CLASP2: variants seen among roughly 807,000 people sequenced by gnomAD.
CLASP2 encodes the protein cytoplasmic linker associated protein 2.
Under a neutral mutation model 194.4 loss-of-function variants are expected in CLASP2, and 47 were observed. The ratio of observed to expected loss-of-function variants is 0.24; its 90% CI spans 0.19 to 0.31. CLASP2 has a LOEUF of 0.31. CLASP2 is among the 10% of genes least tolerant of loss of function. The pLI, the probability that CLASP2 is intolerant of heterozygous loss-of-function variation, is 1.00. For missense variants in CLASP2, 1,445 were observed against 1,823.6 expected, an observed-to-expected ratio of 0.79 and a Z score of 3.78; for synonymous variants, 619 against 633.5, an observed-to-expected ratio of 0.98 and a Z score of 0.34.
intron 32 of CLASP2, among the ~76,000 whole-genome samples, chr3:33,542,972 T>C (rs747890816): frequency 5.9e-5 from 9 of 152,214 alleles, no homozygotes; most frequent in Non-Finnish European, 1.2e-4. Flanking sequence ...ATTTAAGTAG[T>C]TGGCTTTCAA....
At chr3:33,561,041 G>A (rs139948136) in intron 27 of CLASP2, 70 bp from the exon 28 acceptor site, 2 of 1,340,346 alleles carry the variant, frequency 1.5e-6, no homozygotes, top group Non-Finnish European at 2.1e-6. Context: ...TCAATTCAAA[G>A]CGAATACAGA....
intron 7 of CLASP2, among the ~76,000 whole-genome samples, chr3:33,653,313 A>G (rs1399782729): frequency 1.3e-5 from 2 of 152,208 alleles, no homozygotes; most frequent in Non-Finnish European, 2.9e-5. Context: ...GAGGAAATAC[A>G]GGAGATAAAC....
chr3:33,602,371 T>C (rs576339638), intron 18 of CLASP2: 31 of 610,470 alleles, frequency 5.1e-5, no homozygotes, highest in Non-Finnish European at 7.8e-5. Flanking sequence ...CTGTATTGTG[T>C]TCTGGCGATC....
At chr3:33,598,611 T>C (rs1245436939) in intron 18 of CLASP2, among the ~76,000 whole-genome samples, 1 of 152,206 alleles carries the variant, frequency 6.6e-6, no homozygotes, top group Non-Finnish European at 1.5e-5. Context: ...ACTTCTCCAA[T>C]CTTATAAGAT....
intron 10 of CLASP2, among the ~76,000 whole-genome samples, chr3:33,623,675 C>T (rs2077492006): frequency 1.3e-5 from 2 of 152,136 alleles, no homozygotes; most frequent in South Asian, 4.1e-4. Context: ...CATTTATTCA[C>T]TGATGGACAT....
At chr3:33,707,449 G>T (rs1430543439) in intron 1 of CLASP2, among the ~76,000 whole-genome samples, 1 of 152,286 alleles carries the variant, frequency 6.6e-6, no homozygotes, top group African/African-American at 2.4e-5. Context: ...AATGGGGAAA[G>T]TTTCTCCTTA....
At chr3:33,603,201 C>T in intron 17 of CLASP2, 76 bp from the exon 18 acceptor site, 1 of 1,407,468 alleles carries the variant, frequency 7.1e-7, no homozygotes, top group Non-Finnish European at 9.5e-7. Context: ...ACCTGACCAC[C>T]ATGAGCTAAT....
At chr3:33,686,179 T>C (rs1250792087) in intron 5 of CLASP2, among the ~76,000 whole-genome samples, 1 of 152,154 alleles carries the variant, frequency 6.6e-6, no homozygotes, top group Non-Finnish European at 1.5e-5. Context: ...AAATCTTTCC[T>C]GAGGTCACTC....
At chr3:33,592,314 T>C in intron 21 of CLASP2, 81 bp downstream of exon 21, 1 of 973,212 alleles carries the variant, frequency 1.0e-6, no homozygotes, top group Non-Finnish European at 1.6e-6. Flanking sequence ...CACTGGTCAA[T>C]CGTCTAATAC....
chr3:33,715,847 T>TAAAAAAAAAA (rs59528446), intron 1 of CLASP2, among the ~76,000 whole-genome samples: 1 of 62,134 alleles, frequency 1.6e-5, no homozygotes. Flanking sequence ...GTATCTTAAG[T>TAAAAAAAAAA]AAAAAAAAAA....
At chr3:33,694,578 C>T in intron 2 of CLASP2, among the ~76,000 whole-genome samples, 1 of 152,076 alleles carries the variant, frequency 6.6e-6, no homozygotes, top group Non-Finnish European at 1.5e-5. Flanking sequence ...CATATCATAC[C>T]TAACTTTCTC....
intron 7 of CLASP2, 55 bp from the exon 8 acceptor site, chr3:33,644,958 C>T (rs2082031027): frequency 6.6e-7 from 1 of 1,519,568 alleles, no homozygotes. Flanking sequence ...GTTCCATTTT[C>T]CCTAAAGCTC....
intron 30 of CLASP2, among the ~76,000 whole-genome samples, chr3:33,548,389 C>G (rs1239592222): frequency 6.6e-6 from 1 of 152,042 alleles, no homozygotes; most frequent in East Asian, 1.9e-4. Context: ...CCTCTGCCTC[C>G]CAGGTTCAAG....
chr3:33,499,268 T>A (rs532541573), intron 38 of CLASP2, among the ~76,000 whole-genome samples: 1 of 152,116 alleles, frequency 6.6e-6, no homozygotes, highest in African/African-American at 2.4e-5. Flanking sequence ...TCTGCCATGA[T>A]TGTAAGTTTC....
At chr3:33,638,301 T>A (rs2080574460) in intron 8 of CLASP2, among the ~76,000 whole-genome samples, 2 of 152,122 alleles carry the variant, frequency 1.3e-5, no homozygotes, top group African/African-American at 4.8e-5. Flanking sequence ...TTTATTTTTT[T>A]ATTTTTATTT....
Position 33,684,339 on chromosome 3 carries a change from C to T in CLASP2, c.644+20G>A. 6.9e-7 allele frequency: 1 copy of T among 1,439,886 alleles called. No individual in the cohort carries two copies. Among genetic ancestry groups the T allele is most frequent in the South Asian group, 1.4e-5 (1 of 74,042 alleles). 89.2% of individuals were successfully genotyped at this position (1,439,886 alleles called of 1,614,324 possible). ...CTAGTGGTGAAAAAAAAAAAAAGAA[C>T]CAAATTTAGCAAGACTTACCTAGCA... On this transcript the variant is annotated intron_variant, in intron 6 of 38. Coordinates refer to ENST00000682230, the MANE Select transcript of CLASP2 (RefSeq NM_001365631.1).
At chr3:33,521,519 G>C (rs1446990760) in intron 34 of CLASP2, among the ~76,000 whole-genome samples, 1 of 152,114 alleles carries the variant, frequency 6.6e-6, no homozygotes, top group African/African-American at 2.4e-5. Flanking sequence ...GAAAACATCA[G>C]ACAAAACTAC....
At chr3:33,591,958 G>A (rs1055434042) in intron 21 of CLASP2, among the ~76,000 whole-genome samples, 2 of 152,134 alleles carry the variant, frequency 1.3e-5, no homozygotes, top group Non-Finnish European at 2.9e-5. Flanking sequence ...CTAATATATG[G>A]CAATTATTTC....
intron 34 of CLASP2, among the ~76,000 whole-genome samples, chr3:33,530,300 C>G (rs938999689): frequency 4.0e-5 from 6 of 151,866 alleles, no homozygotes; most frequent in African/African-American, 1.5e-4. Context: ...TATCACAAAA[C>G]CCTAACTTTA....
Sources: allele counts gnomAD v4.1 joint callset (sites outside exome capture counted in the v4.1 genomes callset), GRCh38; gene constraint gnomAD v4.1.1; transcripts MANE v1.5; gene names NCBI Gene and HGNC (gene_info 2026-07-23, HGNC 2026-07-21).